Variants in DCDC2 observed in about 807,000 individuals in gnomAD.
DCDC2 encodes the protein doublecortin domain-containing protein 2.
A neutral mutation model predicts 50.2 loss-of-function variants in DCDC2; 40 were observed. The ratio of observed to expected loss-of-function variants is 0.80; its 90% CI spans 0.62 to 1.04. The LOEUF is 1.04. Among genes scored for constraint, DCDC2 ranks in the 50% least tolerant of loss-of-function variants. The probability of loss-of-function intolerance (pLI) is 0.00; values close to 1 mark genes in which losing one functional copy is unlikely to be tolerated. For missense variants in DCDC2, 570 were observed against 581.9 expected, an observed-to-expected ratio of 0.98 and a Z score of 0.21; for synonymous variants, 234 against 210.6, an observed-to-expected ratio of 1.11 and a Z score of -0.96.
intron 6 of DCDC2, among the ~76,000 whole-genome samples, chr6:24,281,384 A>G (rs1289574379): frequency 6.7e-6 from 1 of 148,876 alleles, no homozygotes; most frequent in Non-Finnish European, 1.5e-5. Context: ...TATGTTCCCC[A>G]GGCTGGCCTC....
upstream of DCDC2, among the ~76,000 whole-genome samples, chr6:24,359,707 A>C (rs2127260852): frequency 6.7e-6 from 1 of 150,038 alleles, no homozygotes; most frequent in Non-Finnish European, 1.5e-5. Flanking sequence ...GACCAACCTG[A>C]GCAGCACAGC....
chr6:24,257,245 A>C (rs1452783774), intron 7 of DCDC2, among the ~76,000 whole-genome samples: 1 of 152,210 alleles, frequency 6.6e-6, no homozygotes, highest in East Asian at 1.9e-4. Flanking sequence ...CCTAACCTTC[A>C]AATAAAAACA....
chr6:24,205,999 C>T (rs1761711509), intron 7 of DCDC2, among the ~76,000 whole-genome samples: 4 of 152,176 alleles, frequency 2.6e-5, no homozygotes, highest in Non-Finnish European at 5.9e-5. Flanking sequence ...ATTACCCCTA[C>T]AGTCTAGAAA....
At chr6:24,199,195 C>A (rs911486658) in intron 8 of DCDC2, among the ~76,000 whole-genome samples, 7 of 152,228 alleles carry the variant, frequency 4.6e-5, no homozygotes, top group Non-Finnish European at 8.8e-5. Context: ...GGGTCCCTGA[C>A]CCCTGTGCCT....
At chr6:24,180,515 C>T (rs1761047304) in intron 8 of DCDC2, among the ~76,000 whole-genome samples, 1 of 152,038 alleles carries the variant, frequency 6.6e-6, no homozygotes, top group Non-Finnish European at 1.5e-5. Context: ...GTCTCGATCT[C>T]CTGACCTTGT....
At chr6:24,323,944 A>G (rs1759814395) in intron 2 of DCDC2, among the ~76,000 whole-genome samples, 1 of 152,240 alleles carries the variant, frequency 6.6e-6, no homozygotes, top group African/African-American at 2.4e-5. Flanking sequence ...ACAGAGGAGA[A>G]AGTACAGTTA....
At chr6:24,312,800 G>A (rs999970145) in intron 2 of DCDC2, among the ~76,000 whole-genome samples, 11 of 152,140 alleles carry the variant, frequency 7.2e-5, no homozygotes, top group Admixed American at 5.2e-4. Flanking sequence ...TCCATTCACT[G>A]AGACAGGAAA....
intron 2 of DCDC2, among the ~76,000 whole-genome samples, chr6:24,302,810 C>G (rs1198289795): frequency 6.6e-6 from 1 of 152,038 alleles, no homozygotes; most frequent in African/African-American, 2.4e-5. Flanking sequence ...TTTTCCATTT[C>G]CCACAGTGGA....
At chr6:24,357,258 C>A (rs958970408) in intron 1 of DCDC2, 200 bp downstream of exon 1, 115 of 536,066 alleles carry the variant, frequency 2.1e-4, no homozygotes, top group Non-Finnish European at 3.3e-4. Flanking sequence ...TACTGCTGAC[C>A]CAAGTGAAAT....
chr6:24,228,408 G>C (rs73394024), intron 7 of DCDC2, among the ~76,000 whole-genome samples: 1 of 152,306 alleles, frequency 6.6e-6, no homozygotes, highest in Non-Finnish European at 1.5e-5. Flanking sequence ...TTGTCAAATG[G>C]CCTGGGTCGA....
the DCDC2 span, among the ~76,000 whole-genome samples, chr6:24,379,029 A>G: frequency 3.3e-5 from 5 of 151,520 alleles, no homozygotes; most frequent in Non-Finnish European, 7.4e-5. Context: ...TCCTTACACC[A>G]TACACAAAAA....
intron 8 of DCDC2, among the ~76,000 whole-genome samples, chr6:24,194,296 T>C (rs368072100): frequency 6.6e-6 from 1 of 152,286 alleles, no homozygotes; most frequent in East Asian, 1.9e-4. Context: ...ATAGTATATA[T>C]CACAACCTCC....
At chr6:24,377,709 C>T in the DCDC2 span, among the ~76,000 whole-genome samples, 2 of 152,140 alleles carry the variant, frequency 1.3e-5, no homozygotes, top group African/African-American at 2.4e-5. Flanking sequence ...GAGCATAGGC[C>T]GGGCACAATG....
the DCDC2 span, among the ~76,000 whole-genome samples, chr6:24,379,734 T>G: frequency 1.3e-5 from 2 of 152,152 alleles, no homozygotes; most frequent in African/African-American, 4.8e-5. Context: ...TAAAGACACA[T>G]GTACACGAAT....
intron 6 of DCDC2, among the ~76,000 whole-genome samples, chr6:24,280,304 C>T (rs1763443745): frequency 2.0e-5 from 3 of 151,798 alleles, no homozygotes; most frequent in South Asian, 4.1e-4. Flanking sequence ...AATTTAATTT[C>T]CTATTCCAAC....
At chr6:24,348,568 T>C (rs763258707) in intron 2 of DCDC2, among the ~76,000 whole-genome samples, 6 of 152,218 alleles carry the variant, frequency 3.9e-5, no homozygotes, top group Non-Finnish European at 7.3e-5. Context: ...AAGCTGATTT[T>C]CACTCTTTCT....
intron 2 of DCDC2, among the ~76,000 whole-genome samples, chr6:24,349,387 A>G (rs1760322696): frequency 1.3e-5 from 2 of 152,210 alleles, no homozygotes; most frequent in Non-Finnish European, 2.9e-5. Flanking sequence ...ATAGGCATTC[A>G]ATAACATGGA....
At chr6:24,179,972 C>CA (rs1761029053) in intron 8 of DCDC2, among the ~76,000 whole-genome samples, 1 of 72,106 alleles carries the variant, frequency 1.4e-5, no homozygotes. Flanking sequence ...AAAAAAAAAA[C>CA]AAGGGGTGGG....
intron 2 of DCDC2, among the ~76,000 whole-genome samples, chr6:24,310,813 A>AT (rs924867549): frequency 3.3e-5 from 5 of 151,920 alleles, no homozygotes; most frequent in African/African-American, 9.7e-5. Flanking sequence ...AATCACCTGC[A>AT]TTTTTTTTCA....
Sources: allele counts gnomAD v4.1 joint callset (sites outside exome capture counted in the v4.1 genomes callset), GRCh38; gene constraint gnomAD v4.1.1; transcripts MANE v1.5; gene names NCBI Gene and HGNC (gene_info 2026-07-23, HGNC 2026-07-21).